MTUS1: variants seen among roughly 807,000 people sequenced by gnomAD.
The protein encoded by MTUS1 is microtubule associated scaffold protein 1, also known as microtubule-associated tumor suppressor 1.
A neutral mutation model predicts 120.8 loss-of-function variants in MTUS1; 109 were observed. The ratio of observed to expected loss-of-function variants is 0.90; its 90% CI spans 0.77 to 1.06. The LOEUF is 1.06. MTUS1 is among the 50% of genes least tolerant of loss of function. The probability of loss-of-function intolerance (pLI) is 0.00; values close to 1 mark genes in which losing one functional copy is unlikely to be tolerated. For missense variants in MTUS1, 2,210 were observed against 1,486.3 expected, an observed-to-expected ratio of 1.49 and a Z score of -8.01; for synonymous variants, 737 against 550.5, an observed-to-expected ratio of 1.34 and a Z score of -4.74.
At chr8:17,782,193 C>G (rs921236138) in intron 1 of MTUS1, among the ~76,000 whole-genome samples, 6 of 152,130 alleles carry the variant, frequency 3.9e-5, no homozygotes, top group Admixed American at 2.0e-4. Context: ...CCATTCATAA[C>G]AGTGAGATTT....
chr8:17,779,382 T>G (rs17125372), intron 1 of MTUS1, among the ~76,000 whole-genome samples: 13,716 of 152,228 alleles, frequency 0.09, 2,079 homozygotes, highest in African/African-American at 0.31. Flanking sequence ...CTCCAATCCT[T>G]GTCAATATTT....
intron 6 of MTUS1, among the ~76,000 whole-genome samples, chr8:17,712,150 G>C (rs1398928562): frequency 1.3e-5 from 2 of 152,326 alleles, no homozygotes; most frequent in East Asian, 3.9e-4. Flanking sequence ...GATGCTGGTA[G>C]AGTTGCAAAA....
chr8:17,728,752 T>C (rs539783127), intron 3 of MTUS1, among the ~76,000 whole-genome samples: 5 of 150,848 alleles, frequency 3.3e-5, no homozygotes, highest in African/African-American at 1.2e-4. Context: ...CCTTAAATGT[T>C]AGGGATGGAT....
At chr8:17,764,098 A>G (rs2049268352) in intron 1 of MTUS1, among the ~76,000 whole-genome samples, 1 of 152,232 alleles carries the variant, frequency 6.6e-6, no homozygotes, top group Non-Finnish European at 1.5e-5. Context: ...GGGAAAGAAC[A>G]GTGATGATAG....
chr8:17,683,748 GT>G (rs1360401974), intron 7 of MTUS1, among the ~76,000 whole-genome samples: 7 of 152,142 alleles, frequency 4.6e-5, no homozygotes, highest in Non-Finnish European at 1.0e-4. Context: ...TATAAACTTG[GT>G]TTTCTCAATG....
Position 17,644,245 on chromosome 8 carries a change from T to A in MTUS1, c.*1681A>T, listed in dbSNP as rs1027393692. 1.4e-4 allele frequency: 22 copies of A among 152,600 alleles called. No homozygotes were observed. The highest frequency in any genetic ancestry group is 5.3e-4 in the African/African-American group (22 of 41,450). 9.5% of individuals were successfully genotyped at this position (152,600 alleles called of 1,614,324 possible). On this transcript the variant is annotated 3_prime_UTR_variant, in exon 15 of 15. Transcript: ENST00000693296. ...TACATACATGATGAAGTATTGGAAG[T>A]TAAAGACTTAAGACACAAAATCACT...
At chr8:17,749,128 G>A (rs559321019) in intron 2 of MTUS1, among the ~76,000 whole-genome samples, 13 of 152,236 alleles carry the variant, frequency 8.5e-5, no homozygotes, top group South Asian at 6.2e-4. Context: ...TATACTCTCC[G>A]AAGGGTTGGA....
At position 17,800,067 on chromosome 8, in the gene MTUS1, T is replaced by G. The variant is rs116931539; in HGVS notation, c.-155+994A>C. 1.2e-3 allele frequency among the ~76,000 whole-genome samples: 187 copies of G among 152,330 alleles called. 4 individuals are homozygous for G. In the East Asian group the frequency reaches 0.032, roughly 26 times the overall value. ...TGAAAAAGCAAACTGTCTACAGAAT[T>G]GCAATTCCGTTTATGCAATTCCTTT... is the stretch of plus-strand genomic sequence containing the variant. On this transcript the variant is annotated intron_variant, in intron 1 of 14. Transcript: ENST00000693296.
chr8:17,709,884 G>A (rs1820933039), intron 6 of MTUS1, among the ~76,000 whole-genome samples: 1 of 151,846 alleles, frequency 6.6e-6, no homozygotes, highest in African/African-American at 2.4e-5. Flanking sequence ...GCGAGCACCT[G>A]TAGTCCCAGC....
chr8:17,787,135 C>A (rs1395626690), intron 1 of MTUS1, among the ~76,000 whole-genome samples: 1 of 152,166 alleles, frequency 6.6e-6, no homozygotes, highest in Non-Finnish European at 1.5e-5. Context: ...GGAGGGGCCA[C>A]CGCTCCCTGA....
At chr8:17,796,113 C>G (rs563845329) in intron 1 of MTUS1, among the ~76,000 whole-genome samples, 6 of 151,910 alleles carry the variant, frequency 3.9e-5, no homozygotes, top group African/African-American at 1.4e-4. Flanking sequence ...CCACACCCAG[C>G]TAATTTTTTG....
At position 17,653,185 on chromosome 8, in the gene MTUS1, C is replaced by A. The variant is rs1197445236; in HGVS notation, c.3384+1G>T. ...CTGATAAAGGAGCACACACAACTTA[C>A]CAAATTTGCTTTTTCTCTTGCTCTT... On this transcript the variant is annotated splice_donor_variant, in intron 12 of 14. Transcript: ENST00000693296. LOFTEE classifies it high-confidence loss of function. The A allele has an allele frequency of 2.6e-6, 4 of 1,523,048 alleles. No homozygotes were observed. Among genetic ancestry groups the A allele is most frequent in the Non-Finnish European group, 2.6e-6 (3 of 1,133,700 alleles). The allele number at this position is 1,523,048 out of a possible 1,614,324, so 94.3% of individuals were successfully genotyped here.
chr8:17,777,452 GAAAA>G (rs796475013), intron 1 of MTUS1, among the ~76,000 whole-genome samples: 2 of 107,232 alleles, frequency 1.9e-5, no homozygotes, highest in African/African-American at 5.9e-5. Context: ...AAAAGAAAAA[GAAAA>G]AAAAAAAAAA....
At chr8:17,677,718 G>A (rs1405039443) in intron 7 of MTUS1, among the ~76,000 whole-genome samples, 1 of 152,020 alleles carries the variant, frequency 6.6e-6, no homozygotes, top group Non-Finnish European at 1.5e-5. Context: ...CCTCTGTCAG[G>A]CACAGTAACA....
chr8:17,784,295 G>GTTTTT (rs34896566), intron 1 of MTUS1, among the ~76,000 whole-genome samples: 3 of 125,416 alleles, frequency 2.4e-5, no homozygotes, highest in Non-Finnish European at 3.2e-5. Flanking sequence ...TCTTACAACT[G>GTTTTT]TTTTTTTTTT....
chr8:17,761,663 C>A (rs535257814), intron 1 of MTUS1, among the ~76,000 whole-genome samples: 1 of 152,124 alleles, frequency 6.6e-6, no homozygotes, highest in African/African-American at 2.4e-5. Flanking sequence ...ACTATAAAAT[C>A]AAGAATGTTT....
chr8:17,784,575 A>G (rs1169902371), intron 1 of MTUS1, among the ~76,000 whole-genome samples: 3 of 151,580 alleles, frequency 2.0e-5, no homozygotes, highest in Non-Finnish European at 4.4e-5. Flanking sequence ...GATTACAGGC[A>G]TGAGCCACCA....
rs773891361 is a variant in MTUS1, at chr8:17,755,084, T to C, written c.724A>G (p.Thr242Ala). 6.2e-7 allele frequency: 1 copy of C among 1,613,864 alleles called. No individual in the cohort carries two copies. The highest frequency in any genetic ancestry group is 2.2e-5 in the East Asian group (1 of 44,876). ...QVTPSEAQDM[T>A]YTAFSDVVMQ... Reference sequence around the variant, plus strand: ...ACCACATCAGAAAATGCTGTGTAAGTCATGTCTTGGGCTTCTGATGGTGTG... The same window carrying C: ...ACCACATCAGAAAATGCTGTGTAAGCCATGTCTTGGGCTTCTGATGGTGTG... The change falls in exon 2 of 15, where the codon ACT becomes GCT. Residue 242 changes from threonine to alanine, a missense_variant. Physicochemically the swap from Thr to Ala is moderately conservative, Grantham distance 58 (BLOSUM62 0). Coordinates refer to ENST00000693296, the MANE Select transcript of MTUS1 (RefSeq NM_001363059.2).
chr8:17,725,853 A>G (rs1412734457), intron 3 of MTUS1, among the ~76,000 whole-genome samples: 9 of 152,156 alleles, frequency 5.9e-5, no homozygotes, highest in South Asian at 2.1e-4. Context: ...TCTTCTTCCA[A>G]TGTGGCCCAG....
Sources: gnomAD v4.1 joint callset for allele counts (sites outside exome capture counted in the v4.1 genomes callset) on GRCh38, gnomAD v4.1.1 for gene constraint, MANE v1.5 for transcripts, NCBI Gene and HGNC (gene_info 2026-07-23, HGNC 2026-07-21) for gene names.